Variants in AGAP1 observed in about 807,000 individuals in gnomAD.
AGAP1 encodes the protein ArfGAP with GTPase domain, ankyrin repeat and PH domain 1.
AGAP1 carries 29 observed loss-of-function variants against 105.3 expected under a neutral mutation model. The ratio of observed to expected loss-of-function variants is 0.28; its 90% CI spans 0.21 to 0.38. AGAP1 has a LOEUF of 0.38. AGAP1 is among the 10% of genes least tolerant of loss of function. The pLI is 1.00. For missense variants in AGAP1, 998 were observed against 1,165.1 expected (o/e 0.86, Z 2.09); for synonymous variants, 509 against 485.9 (o/e 1.05, Z -0.63).
At position 235,976,852 on chromosome 2, in the gene AGAP1, G is replaced by GA. The variant is rs2054881570; in HGVS notation, c.1645+8235dup. 1.3e-5 allele frequency among the ~76,000 whole-genome samples: 2 copies of GA among 152,136 alleles called. No individual in the cohort carries two copies. The highest frequency in any genetic ancestry group is 2.9e-5 in the Non-Finnish European group (2 of 68,024). ...TCTGCTATTCCAAGGAGGAAAAAAGGAAAAAATCTGAAAAGTCAAAACAAA... is the reference window on the plus strand; with the variant it reads ...TCTGCTATTCCAAGGAGGAAAAAAGGAAAAAAATCTGAAAAGTCAAAACAAA... On this transcript the variant is annotated intron_variant, in intron 13 of 17. Transcript: ENST00000304032. This position sits in a 1 kb window ranked among gnomAD's most constrained non-coding sequence, Gnocchi z 4.5.
Position 235,751,985 on chromosome 2 carries a change from G to GTGA in AGAP1, c.673+1498_673+1500dup, listed in dbSNP as rs1458265437. Among the ~76,000 whole-genome samples, 1 of 152,198 alleles carries GTGA rather than the reference G, an allele frequency of 6.6e-6. No homozygotes were observed. The highest frequency in any genetic ancestry group is 1.5e-5 in the Non-Finnish European group (1 of 68,044). ...TTTCAAGCCGTGCTGGTGAACATGA[G>GTGA]TGAGATGTTAGTGAGACTTGGAAGA... On this transcript the variant is annotated intron_variant, in intron 6 of 17. Transcript: ENST00000304032. This position sits in a 1 kb window ranked among gnomAD's most constrained non-coding sequence, Gnocchi z 5.3.
rs551086081 is a variant in AGAP1, at chr2:235,887,076, C to T, written c.1155+3627C>T. Among the ~76,000 whole-genome samples, 3 of 152,236 alleles carry T rather than the reference C, an allele frequency of 2.0e-5. No individual in the cohort carries two copies. Among genetic ancestry groups the T allele is most frequent in the Non-Finnish European group, 2.9e-5 (2 of 68,018 alleles). ...TAGTTCAGGTCCCAAAATTTTACAC[C>T]GTGAGAGTGACCCAGTTATCTCAGT... On this transcript the variant is annotated intron_variant, in intron 10 of 17. Coordinates refer to ENST00000304032, the MANE Select transcript of AGAP1 (RefSeq NM_001037131.3). The surrounding 1 kb of genome is among the most constrained non-coding windows in gnomAD (Gnocchi z 4.1).
chr2:235,928,902 C>A (rs1472318026), intron 11 of AGAP1, among the ~76,000 whole-genome samples: 1 of 152,190 alleles, frequency 6.6e-6, no homozygotes, highest in Non-Finnish European at 1.5e-5. Context: ...TGGCCCACCT[C>A]CCCCGGCTGC....
Position 235,700,435 on chromosome 2 carries a change from G to A in AGAP1, c.164-8744G>A, listed in dbSNP as rs1950193723. On this transcript the variant is annotated intron_variant, in intron 1 of 17. Coordinates refer to ENST00000304032, the MANE Select transcript of AGAP1 (RefSeq NM_001037131.3). The surrounding 1 kb of genome is among the most constrained non-coding windows in gnomAD (Gnocchi z 6.1). ...AGTGCTTTACACACCCACGACAAGGGCGTTCTTGGGGAACACCGTGATTCT... is the reference window on the plus strand; with the variant it reads ...AGTGCTTTACACACCCACGACAAGGACGTTCTTGGGGAACACCGTGATTCT... Among the ~76,000 whole-genome samples the A allele has an allele frequency of 1.3e-5, 2 of 152,142 alleles. No individual in the cohort carries two copies. Among genetic ancestry groups the A allele is most frequent in the African/African-American group, 4.8e-5 (2 of 41,404 alleles).
At position 235,919,280 on chromosome 2, in the gene AGAP1, A is replaced by G. The variant is rs1024700525; in HGVS notation, c.1324+10374A>G. On this transcript the variant is annotated intron_variant, in intron 11 of 17. Transcript: ENST00000304032. The surrounding 1 kb of genome is among the most constrained non-coding windows in gnomAD (Gnocchi z 4.1). ...AGTCCGTGGCTTCCCTGCTTCCTGC[A>G]GTCCTTTCCCACACTGGCAGAGGAG... 2.6e-5 allele frequency among the ~76,000 whole-genome samples: 4 copies of G among 152,206 alleles called. No homozygotes were observed. Among genetic ancestry groups the G allele is most frequent in the African/African-American group, 4.8e-5 (2 of 41,464 alleles).
Position 235,856,202 on chromosome 2 carries a change from G to A in AGAP1, c.1051-27143G>A, listed in dbSNP as rs576501800. 1.3e-4 allele frequency among the ~76,000 whole-genome samples: 20 copies of A among 152,228 alleles called. No individual in the cohort carries two copies. In the East Asian group the frequency reaches 1.5e-3, roughly 12 times the overall value. ...GCTGGGATTACAGGCGTGAGCCACC[G>A]CACCCGGCCGAGAATATTTTTAAAT... On this transcript the variant is annotated intron_variant, in intron 9 of 17. Coordinates refer to ENST00000304032, the MANE Select transcript of AGAP1 (RefSeq NM_001037131.3).
At position 235,882,242 on chromosome 2, in the gene AGAP1, G is replaced by A. The variant is rs1390566671; in HGVS notation, c.1051-1103G>A. 3.3e-5 allele frequency: 15 copies of A among 456,362 alleles called. No individual in the cohort carries two copies. The highest frequency in any genetic ancestry group is 2.1e-4 in the East Asian group (5 of 23,294). The allele number at this position is 456,362 out of a possible 1,614,324, so 28.3% of individuals were successfully genotyped here. On this transcript the variant is annotated intron_variant, in intron 9 of 17. Transcript: ENST00000304032. This position sits in a 1 kb window ranked among gnomAD's most constrained non-coding sequence, Gnocchi z 4.6. ...CAGAGACCCACAGGCCAGTGGCATC[G>A]GTGCAGAGTGCCCAGGTTCACAATG... is the stretch of plus-strand genomic sequence containing the variant.
At position 235,720,489 on chromosome 2, in the gene AGAP1, C is replaced by T. The variant is rs547071743; in HGVS notation, c.310+2845C>T. The stretch of plus-strand genomic sequence containing the variant: ...CACAGTGGTGGGAGTGGTTGGCGCC[C>T]GGTTGAGGGATTGGATTTTGAGTGA... On this transcript the variant is annotated intron_variant, in intron 3 of 17. Coordinates refer to ENST00000304032, the MANE Select transcript of AGAP1 (RefSeq NM_001037131.3). The surrounding 1 kb of genome is among the most constrained non-coding windows in gnomAD (Gnocchi z 5.0). 4.6e-5 allele frequency among the ~76,000 whole-genome samples: 7 copies of T among 151,986 alleles called. No homozygotes were observed. The highest frequency in any genetic ancestry group is 1.9e-4 in the East Asian group (1 of 5,146).
At position 236,062,718 on chromosome 2, in the gene AGAP1, G is replaced by A. The variant is rs2058236470; in HGVS notation, c.2114+13437G>A. 6.6e-6 allele frequency among the ~76,000 whole-genome samples: 1 copy of A among 152,170 alleles called. No individual in the cohort carries two copies. Among genetic ancestry groups the A allele is most frequent in the Admixed American group, 6.5e-5 (1 of 15,288 alleles). On this transcript the variant is annotated intron_variant, in intron 16 of 17. Coordinates refer to ENST00000304032, the MANE Select transcript of AGAP1 (RefSeq NM_001037131.3). The surrounding 1 kb of genome is among the most constrained non-coding windows in gnomAD (Gnocchi z 4.2). ...ACTCTGTCACCCAGGCTGGAGTGCA[G>A]TGGAGCAATCTTGGCTCACTGCAAC...
At chr2:236,033,109 G>A (rs1231197897) in intron 13 of AGAP1, among the ~76,000 whole-genome samples, 1 of 152,146 alleles carries the variant, frequency 6.6e-6, no homozygotes, top group African/African-American at 2.4e-5. Flanking sequence ...GCCGGATATG[G>A]TGGCACATAC....
intron 6 of AGAP1, among the ~76,000 whole-genome samples, chr2:235,775,481 TCTG>T (rs1955790511): frequency 6.6e-6 from 1 of 152,168 alleles, no homozygotes; most frequent in African/African-American, 2.4e-5. Context: ...TTTCCTACCT[TCTG>T]AACCTATTTC....
intron 1 of AGAP1, among the ~76,000 whole-genome samples, chr2:235,707,417 G>A (rs1176474902): frequency 2.1e-5 from 3 of 145,968 alleles, no homozygotes; most frequent in Admixed American, 1.4e-4. Context: ...GACCCTTGAC[G>A]CTGTCATTGC....
In AGAP1 at chr2:235,799,663, T is replaced by G. The variant is rs550583166; in HGVS notation, c.957+141T>G. ...AATAACATTGATTTCTGTGGAGGAC[T>G]AAGAAAATTAAGAGAAGCAAAGATT... On this transcript the variant is annotated intron_variant, in intron 8 of 17. Coordinates refer to ENST00000304032, the MANE Select transcript of AGAP1 (RefSeq NM_001037131.3). The surrounding 1 kb of genome is among the most constrained non-coding windows in gnomAD (Gnocchi z 5.0). 18 of 964,116 alleles carry G rather than the reference T, an allele frequency of 1.9e-5. No individual in the cohort carries two copies. In the African/African-American group the frequency reaches 2.9e-4, roughly 16 times the overall value. The allele number at this position is 964,116 out of a possible 1,614,324, so 59.7% of individuals were successfully genotyped here. A position where few individuals can be genotyped will look rare whatever the true frequency, so the allele number is the denominator to read the frequency against.
chr2:235,894,174 G>C (rs2050685464), intron 10 of AGAP1, among the ~76,000 whole-genome samples: 1 of 152,178 alleles, frequency 6.6e-6, no homozygotes, highest in African/African-American at 2.4e-5. Context: ...TAGGCAAATG[G>C]GAATGCTTTT....
chr2:235,903,325 T>C (rs901122092), intron 10 of AGAP1, among the ~76,000 whole-genome samples: 3 of 152,230 alleles, frequency 2.0e-5, no homozygotes, highest in Admixed American at 1.3e-4. Flanking sequence ...TTACATTTTC[T>C]ATCCTTGAAG....
chr2:236,017,164 G>A (rs10195458), intron 13 of AGAP1, among the ~76,000 whole-genome samples: 1 of 151,746 alleles, frequency 6.6e-6, no homozygotes, highest in Admixed American at 6.6e-5. Context: ...ATAGTGGCGA[G>A]CACCTGTAAT....
chr2:235,757,204 C>T (rs1038163950), intron 6 of AGAP1, among the ~76,000 whole-genome samples: 5 of 152,226 alleles, frequency 3.3e-5, no homozygotes, highest in African/African-American at 7.2e-5. Flanking sequence ...CTCTGCTTAA[C>T]GGTCTCCAGG....
chr2:235,984,491 C>CT (rs1559724652), intron 13 of AGAP1, among the ~76,000 whole-genome samples: 1 of 99,214 alleles, frequency 1.0e-5, no homozygotes, highest in Non-Finnish European at 2.1e-5. Context: ...TCCTTTATTT[C>CT]TTAAAAAAAA....
rs1472596133 is a variant in AGAP1, at chr2:235,612,421, G to A, written c.164-96758G>A. ...TAATTTATGTCAGCTGGAGCCCTTG[G>A]CCCTGGTAATGAGATCTCAGGGGCA... On this transcript the variant is annotated intron_variant, in intron 1 of 17. Coordinates refer to ENST00000304032, the MANE Select transcript of AGAP1 (RefSeq NM_001037131.3). The surrounding 1 kb of genome is among the most constrained non-coding windows in gnomAD (Gnocchi z 4.3). 1.3e-5 allele frequency among the ~76,000 whole-genome samples: 2 copies of A among 152,186 alleles called. No homozygotes were observed. Among genetic ancestry groups the A allele is most frequent in the African/African-American group, 4.8e-5 (2 of 41,454 alleles).
Sources: allele counts gnomAD v4.1 joint callset (sites outside exome capture counted in the v4.1 genomes callset), GRCh38; gene constraint gnomAD v4.1.1; non-coding constraint Gnocchi (gnomAD v3.1); transcripts MANE v1.5; gene names NCBI Gene and HGNC (gene_info 2026-07-23, HGNC 2026-07-21).